Variants in PARD3 observed in about 807,000 individuals in gnomAD.
The protein encoded by PARD3 is partitioning defective 3 homolog.
In PARD3, 75 loss-of-function variants were observed where a neutral mutation model predicts 155.4. The ratio of observed to expected loss-of-function variants is 0.48; its 90% CI spans 0.40 to 0.58. The LOEUF (loss-of-function observed/expected upper bound fraction) is 0.58. PARD3 is among the 20% of genes least tolerant of loss of function. PARD3 has a pLI of 0.00. For synonymous variants in PARD3, 576 were observed against 610.5 expected (o/e 0.94, Z 0.83); for missense variants, 1,642 against 1,721.7 (o/e 0.95, Z 0.82).
chr10:34,554,889 G>A (rs989215991), intron 2 of PARD3, among the ~76,000 whole-genome samples: 1 of 152,182 alleles, frequency 6.6e-6, no homozygotes, highest in African/African-American at 2.4e-5. Context: ...AAAATACTGA[G>A]ATGACAGAGT....
At chr10:34,733,974 C>A in intron 1 of PARD3, among the ~76,000 whole-genome samples, 1 of 149,576 alleles carries the variant, frequency 6.7e-6, no homozygotes. Flanking sequence ...CATAAGCAGT[C>A]ATAGAAAGAA....
intron 5 of PARD3, among the ~76,000 whole-genome samples, chr10:34,435,179 T>C (rs1300476372): frequency 6.6e-6 from 1 of 152,168 alleles, no homozygotes; most frequent in African/African-American, 2.4e-5. Flanking sequence ...TACATTTTGA[T>C]ATTACAAATA....
chr10:34,458,974 A>G (rs1439010251), intron 4 of PARD3, among the ~76,000 whole-genome samples: 1 of 152,218 alleles, frequency 6.6e-6, no homozygotes, highest in East Asian at 1.9e-4. Flanking sequence ...GTGAAAGAAT[A>G]AATAAATAAA....
intron 2 of PARD3, among the ~76,000 whole-genome samples, chr10:34,641,935 T>C (rs1590366308): frequency 6.6e-6 from 1 of 152,250 alleles, no homozygotes; most frequent in Non-Finnish European, 1.5e-5. Flanking sequence ...CCCCACCAGC[T>C]GTGCTTGACT....
intron 1 of PARD3, among the ~76,000 whole-genome samples, chr10:34,739,994 C>A (rs924623451): frequency 2.6e-5 from 4 of 152,134 alleles, no homozygotes; most frequent in African/African-American, 9.7e-5. Flanking sequence ...ACACACTGAC[C>A]CGCCAGCGAC....
At chr10:34,292,418 G>A (rs1465314004) in intron 20 of PARD3, among the ~76,000 whole-genome samples, 3 of 152,198 alleles carry the variant, frequency 2.0e-5, no homozygotes, top group Non-Finnish European at 2.9e-5. Context: ...ATGAATCAGC[G>A]AAGAGGAGGT....
chr10:34,369,898 A>G (rs1489435053), intron 12 of PARD3, among the ~76,000 whole-genome samples: 2 of 152,188 alleles, frequency 1.3e-5, no homozygotes, highest in Admixed American at 6.5e-5. Context: ...AAACACTAAT[A>G]AAAAGAGCAA....
intron 20 of PARD3, among the ~76,000 whole-genome samples, chr10:34,287,615 T>C (rs932572048): frequency 6.6e-6 from 1 of 152,228 alleles, no homozygotes; most frequent in African/African-American, 2.4e-5. Flanking sequence ...GTTGAGTTAA[T>C]TAGCTATGTT....
At chr10:34,499,153 TA>T (rs976441486) in intron 3 of PARD3, among the ~76,000 whole-genome samples, 6 of 152,118 alleles carry the variant, frequency 3.9e-5, no homozygotes, top group Non-Finnish European at 7.4e-5. Flanking sequence ...CTTTTTTTTT[TA>T]AGTTGATAAG....
chr10:34,658,709 C>G (rs1322053200), intron 2 of PARD3, among the ~76,000 whole-genome samples: 2 of 152,136 alleles, frequency 1.3e-5, no homozygotes, highest in Non-Finnish European at 2.9e-5. Flanking sequence ...GCCATGTCCC[C>G]CCTCCTGCCT....
intron 3 of PARD3, among the ~76,000 whole-genome samples, chr10:34,510,218 A>G (rs1360019961): frequency 6.6e-6 from 1 of 152,186 alleles, no homozygotes; most frequent in Non-Finnish European, 1.5e-5. Context: ...CCCCTCTTCT[A>G]GGTAGCCCAC....
chr10:34,635,919 G>A (rs1309473196), intron 2 of PARD3, among the ~76,000 whole-genome samples: 1 of 151,850 alleles, frequency 6.6e-6, no homozygotes, highest in Non-Finnish European at 1.5e-5. Context: ...TTTAATCCCA[G>A]GTCAATGAGA....
chr10:34,173,526 A>G (rs1413899217), intron 22 of PARD3, among the ~76,000 whole-genome samples: 1 of 152,198 alleles, frequency 6.6e-6, no homozygotes, highest in African/African-American at 2.4e-5. Context: ...CATATATGCA[A>G]CTTTACAGGG....
chr10:34,161,105 C>T (rs570294486), intron 22 of PARD3, among the ~76,000 whole-genome samples: 2 of 151,982 alleles, frequency 1.3e-5, no homozygotes, highest in South Asian at 4.2e-4. Context: ...ATTAGCTAGA[C>T]ATGGTGGTGC....
chr10:34,144,559 A>C (rs74927139), intron 22 of PARD3, among the ~76,000 whole-genome samples: 5,490 of 152,264 alleles, frequency 0.036, 287 homozygotes, highest in African/African-American at 0.12. Flanking sequence ...GGAATTTAAT[A>C]ATAAGCCATG....
At position 34,706,487 on chromosome 10, in the gene PARD3, C is replaced by T. The variant is rs187530534; in HGVS notation, c.121-10068G>A. On this transcript the variant is annotated intron_variant, in intron 1 of 24. Transcript: ENST00000374788. ...CCAGGCCAGGCGTGGTGGCCCACAC[C>T]TGTAATCCCAGCACTCTGGGAGGCC... Among the ~76,000 whole-genome samples the T allele has an allele frequency of 1.5e-3, 232 of 152,332 alleles. 1 individual carries two copies. Among genetic ancestry groups the T allele is most frequent in the Non-Finnish European group, 2.8e-3 (190 of 68,036 alleles).
intron 1 of PARD3, among the ~76,000 whole-genome samples, chr10:34,803,455 G>A (rs1017098636): frequency 8.5e-5 from 13 of 152,068 alleles, no homozygotes; most frequent in Non-Finnish European, 7.3e-5. Flanking sequence ...ACATCTGTGT[G>A]AGTCTTAAAA....
chr10:34,540,080 G>A (rs2083495776), intron 2 of PARD3, among the ~76,000 whole-genome samples: 1 of 152,170 alleles, frequency 6.6e-6, no homozygotes, highest in African/African-American at 2.4e-5. Context: ...GAGCCACCGT[G>A]TCCTTTCCCA....
intron 2 of PARD3, among the ~76,000 whole-genome samples, chr10:34,611,412 AG>A (rs1375282668): frequency 6.6e-6 from 1 of 152,192 alleles, no homozygotes; most frequent in Admixed American, 6.5e-5. Context: ...CCGAACTGGA[AG>A]GCAGAACAGA....
Sources: gnomAD v4.1 joint callset for allele counts (sites outside exome capture counted in the v4.1 genomes callset) on GRCh38, gnomAD v4.1.1 for gene constraint, MANE v1.5 for transcripts, NCBI Gene and HGNC (gene_info 2026-07-23, HGNC 2026-07-21) for gene names.